LY75: variants seen among roughly 807,000 people sequenced by gnomAD.
The protein encoded by LY75 is C-type lectin domain family 13 member B.
Under a neutral mutation model 231.7 loss-of-function variants are expected in LY75, and 185 were observed. The observed-to-expected ratio is 0.80, with a 90% CI of 0.71 to 0.90. The LOEUF (loss-of-function observed/expected upper bound fraction) is 0.90. LY75 is among the 40% of genes least tolerant of loss of function. The probability of loss-of-function intolerance (pLI) is 0.00; values close to 1 mark genes in which losing one functional copy is unlikely to be tolerated. For missense variants in LY75, 1,947 were observed against 2,050.2 expected (o/e 0.95, Z 0.97); for synonymous variants, 668 against 689.0 (o/e 0.97, Z 0.48).
intron 28 of LY75, among the ~76,000 whole-genome samples, chr2:159,822,335 C>T (rs1212231781): frequency 1.3e-5 from 2 of 152,204 alleles, no homozygotes; most frequent in African/African-American, 2.4e-5. Context: ...TGACCTGGGA[C>T]GCTAGAGCTT....
At chr2:159,817,329 T>C (rs1683150714) in intron 29 of LY75, among the ~76,000 whole-genome samples, 1 of 152,112 alleles carries the variant, frequency 6.6e-6, no homozygotes, top group Non-Finnish European at 1.5e-5. Flanking sequence ...ACCAGTAGGG[T>C]ATGTGAAATT....
chr2:159,882,437 G>T, intron 6 of LY75, 122 bp from the exon 7 acceptor site: 2 of 1,338,054 alleles, frequency 1.5e-6, no homozygotes, highest in Non-Finnish European at 2.0e-6. Flanking sequence ...GATGTCAGAT[G>T]CTACGGTGAC....
intron 26 of LY75, among the ~76,000 whole-genome samples, chr2:159,834,422 T>G (rs1683758446): frequency 6.6e-6 from 1 of 152,222 alleles, no homozygotes; most frequent in Non-Finnish European, 1.5e-5. Flanking sequence ...TTACCCCTGC[T>G]GTGGCATGGA....
intron 19 of LY75, 59 bp from the exon 20 acceptor site, chr2:159,853,411 T>G: frequency 3.2e-6 from 5 of 1,577,802 alleles, no homozygotes; most frequent in Non-Finnish European, 4.3e-6. Flanking sequence ...CATTTTTTTC[T>G]TTTTACTGTA....
intron 23 of LY75, among the ~76,000 whole-genome samples, chr2:159,845,495 G>A (rs1006055103): frequency 4.0e-5 from 6 of 151,270 alleles, no homozygotes; most frequent in South Asian, 2.1e-4. Context: ...CTTCATATCC[G>A]TGGGTTCTGA....
At chr2:159,903,801 C>G (rs1686150192) in intron 1 of LY75, among the ~76,000 whole-genome samples, 1 of 152,168 alleles carries the variant, frequency 6.6e-6, no homozygotes, top group African/African-American at 2.4e-5. Flanking sequence ...GTAAAAGCAA[C>G]CGGTTGCTGC....
At chr2:159,814,258 A>T (rs1683052138) in intron 31 of LY75, among the ~76,000 whole-genome samples, 1 of 152,178 alleles carries the variant, frequency 6.6e-6, no homozygotes, top group South Asian at 2.1e-4. Context: ...CCAGCCTCTA[A>T]TGGAAGAGGC....
At chr2:159,874,925 T>C (rs1310936122) in intron 12 of LY75, among the ~76,000 whole-genome samples, 1 of 138,782 alleles carries the variant, frequency 7.2e-6, no homozygotes, top group Non-Finnish European at 1.5e-5. Flanking sequence ...TAAATATATT[T>C]ATAAATATAT....
intron 33 of LY75, chr2:159,808,151 T>C: frequency 1.0e-6 from 1 of 983,840 alleles, no homozygotes; most frequent in Non-Finnish European, 1.2e-6. Context: ...ACACAGACAT[T>C]CCTGTGGAGA....
chr2:159,817,734 T>C (rs928581400), intron 29 of LY75, among the ~76,000 whole-genome samples: 3 of 152,102 alleles, frequency 2.0e-5, no homozygotes, highest in African/African-American at 4.8e-5. Context: ...GATGAGGGTA[T>C]AAATAAATGA....
intron 3 of LY75, among the ~76,000 whole-genome samples, chr2:159,891,450 T>A (rs570274944): frequency 6.6e-6 from 1 of 152,274 alleles, no homozygotes; most frequent in East Asian, 1.9e-4. Flanking sequence ...GGTTCATTAT[T>A]ACCACTGAGG....
intron 23 of LY75, among the ~76,000 whole-genome samples, chr2:159,844,524 G>A (rs1684140231): frequency 6.6e-6 from 1 of 151,982 alleles, no homozygotes; most frequent in African/African-American, 2.4e-5. Flanking sequence ...TACTGCTCCT[G>A]GTATTTGCCA....
intron 17 of LY75, 129 bp from the exon 18 acceptor site, chr2:159,854,664 C>T: frequency 1.6e-6 from 2 of 1,239,250 alleles, no homozygotes; most frequent in South Asian, 1.6e-5. Context: ...TGGGGCAGTA[C>T]TGACTACAAG....
chr2:159,879,002 A>G (rs771001682), intron 9 of LY75, among the ~76,000 whole-genome samples: 9 of 152,146 alleles, frequency 5.9e-5, no homozygotes, highest in Non-Finnish European at 1.2e-4. Flanking sequence ...TTGAATATTG[A>G]TATTAGTGGG....
rs748316608 is a variant in LY75 at position 159,816,853 on chromosome 2, C to A, written c.4333G>T (p.Val1445Leu). ...CATAGTGGAAATCCATCACGTTTTA[C>A]AATATCTTCCAGAAAGAGCTGGCCA... ...QNGQLFLEDI[V>L]KRDGFPLWVG... Residue 1445 changes from valine (V) to leucine (L), a missense_variant, in exon 30 of 35, where the codon GTA (valine) becomes TTA (leucine). Coordinates refer to ENST00000263636, the MANE Select transcript of LY75 (RefSeq NM_002349.4). The A allele has an allele frequency of 6.2e-7, 1 of 1,614,198 alleles. No homozygotes were observed. Among genetic ancestry groups the A allele is most frequent in the South Asian group, 1.1e-5 (1 of 91,080 alleles).
At chr2:159,899,359 G>A (rs1574605431) in intron 1 of LY75, among the ~76,000 whole-genome samples, 2 of 152,190 alleles carry the variant, frequency 1.3e-5, no homozygotes, top group Non-Finnish European at 2.9e-5. Context: ...TCATATGATG[G>A]TTGTGAGCAT....
At chr2:159,838,879 T>C (rs1262729141) in intron 25 of LY75, among the ~76,000 whole-genome samples, 4 of 152,152 alleles carry the variant, frequency 2.6e-5, no homozygotes, top group Admixed American at 1.3e-4. Flanking sequence ...CACTGCAACC[T>C]CCACCTCCCA....
At chr2:159,863,533 C>T (rs575789466) in intron 14 of LY75, among the ~76,000 whole-genome samples, 1 of 152,238 alleles carries the variant, frequency 6.6e-6, no homozygotes, top group Non-Finnish European at 1.5e-5. Flanking sequence ...TTTTAATGTG[C>T]ATTTCCCTGA....
At chr2:159,899,739 G>GA (rs1321293457) in intron 1 of LY75, among the ~76,000 whole-genome samples, 1 of 152,190 alleles carries the variant, frequency 6.6e-6, no homozygotes, top group African/African-American at 2.4e-5. Flanking sequence ...ATTTTTTGGA[G>GA]ACCTAAATTC....
Sources: allele counts gnomAD v4.1 joint callset (sites outside exome capture counted in the v4.1 genomes callset), GRCh38; gene constraint gnomAD v4.1.1; transcripts MANE v1.5; gene names NCBI Gene and HGNC (gene_info 2026-07-23, HGNC 2026-07-21).